KIF25: variants seen among roughly 807,000 people sequenced by gnomAD.
KIF25 encodes kinesin family member 25.
KIF25 carries 19 observed loss-of-function variants against 32.9 expected under a neutral mutation model. The observed-to-expected ratio is 0.58, with a 90% CI of 0.40 to 0.85. The LOEUF is 0.85. KIF25 is among the 40% of genes least tolerant of loss of function. The pLI is 0.00. For synonymous variants in KIF25, 225 were observed against 213.7 expected (o/e 1.05, Z -0.46); for missense variants, 485 against 507.0 (o/e 0.96, Z 0.42).
In KIF25 at chr6:168,042,666, A is replaced by G. The variant is rs1379468306; in HGVS notation, c.935A>G (p.His312Arg). The change falls in exon 12 of 13, where the codon CAT becomes CGT. Residue 312 changes from histidine to arginine, a missense_variant. Physicochemically the swap from His to Arg is conservative, Grantham distance 29. This residue lies in a region of KIF25 where 480 missense variants were observed against 470.3 expected (regional missense o/e 1.02). Transcript: ENST00000643607. ...VLGALLEHRG[H>R]APYRNSRLTH... is the part of the protein sequence containing the mutation. ...GGGGCTTTGTTGGAGCACCGTGGCCATGCCCCGTACCGGAACAGCAGGCTC... is the reference window on the plus strand; with the variant it reads ...GGGGCTTTGTTGGAGCACCGTGGCCGTGCCCCGTACCGGAACAGCAGGCTC... The G allele has an allele frequency of 4.3e-6, 7 of 1,613,528 alleles. No individual in the cohort carries two copies. Among genetic ancestry groups the G allele is most frequent in the African/African-American group, 4.0e-5 (3 of 74,932 alleles).
At chr6:168,017,230 G>A (rs1164919493) in intron 4 of KIF25, among the ~76,000 whole-genome samples, 2 of 152,180 alleles carry the variant, frequency 1.3e-5, no homozygotes, top group African/African-American at 4.8e-5. Context: ...TAAGAAGAAG[G>A]TGTGGAGGTA....
rs978349094 is a variant in KIF25, at chr6:167,999,180, C to T, written c.-510C>T. 1 of 152,294 alleles carries T rather than the reference C, an allele frequency of 6.6e-6. No individual in the cohort carries two copies. Among genetic ancestry groups the T allele is most frequent in the Non-Finnish European group, 1.5e-5 (1 of 68,084 alleles). The allele number at this position is 152,294 out of a possible 1,614,324, so 9.4% of individuals were successfully genotyped here. ...GGTGCACGTTCAGTGGGGGATGCTCCGCAGTGCAGGCTCGCGCCCGGGTTG... is the reference window on the plus strand; with the variant it reads ...GGTGCACGTTCAGTGGGGGATGCTCTGCAGTGCAGGCTCGCGCCCGGGTTG... On this transcript the variant is annotated 5_prime_UTR_variant, in exon 2 of 13. Transcript: ENST00000643607.
At chr6:168,016,361 C>T (rs1038904510) in intron 4 of KIF25, among the ~76,000 whole-genome samples, 4 of 152,234 alleles carry the variant, frequency 2.6e-5, no homozygotes, top group East Asian at 1.9e-4. Context: ...CTGTGAAAGC[C>T]GTGCCGGAGC....
rs1056313369 is a variant in KIF25 at position 167,997,758 on chromosome 6, G to T, written c.-1711G>T. Among the ~76,000 whole-genome samples the T allele has an allele frequency of 2.7e-5, 4 of 150,696 alleles. No homozygotes were observed. Among genetic ancestry groups the T allele is most frequent in the Admixed American group, 6.7e-5 (1 of 14,928 alleles). On this transcript the variant is annotated 5_prime_UTR_variant, in exon 1 of 13. Coordinates refer to ENST00000643607, the MANE Select transcript of KIF25 (RefSeq NM_030615.4). Reference sequence around the variant, plus strand: ...TCAGGGTTTGATTTTGCAACACGAGGATGCCAAGGTGGATGATTGAGTGGG... The same window carrying T: ...TCAGGGTTTGATTTTGCAACACGAGTATGCCAAGGTGGATGATTGAGTGGG...
intron 5 of KIF25, among the ~76,000 whole-genome samples, chr6:168,022,626 T>C (rs1217517121): frequency 6.6e-6 from 1 of 152,198 alleles, no homozygotes. Flanking sequence ...AATGTTCTAT[T>C]GTGTCTGGTT....
chr6:168,026,839 G>A (rs1232325474), intron 5 of KIF25, among the ~76,000 whole-genome samples: 1 of 152,234 alleles, frequency 6.6e-6, no homozygotes, highest in African/African-American at 2.4e-5. Flanking sequence ...AAGGACTGCT[G>A]GCTGTATTCT....
intron 7 of KIF25, among the ~76,000 whole-genome samples, chr6:168,032,289 C>T (rs1798952744): frequency 6.6e-6 from 1 of 152,244 alleles, no homozygotes; most frequent in African/African-American, 2.4e-5. Flanking sequence ...TTTTGGTTTA[C>T]AGCTTCCTTC....
intron 8 of KIF25, 106 bp from the exon 9 acceptor site, chr6:168,038,446 AG>A: frequency 9.1e-7 from 1 of 1,097,582 alleles, no homozygotes. Flanking sequence ...CTCGGACCCC[AG>A]CAGTCTTACT....
rs78110160 is a variant in KIF25 at position 168,013,303 on chromosome 6, G to C, written c.-162-4670G>C. On this transcript the variant is annotated intron_variant, in intron 4 of 12. Transcript: ENST00000643607. Reference sequence around the variant, plus strand: ...CTGCCAGGTTCCTCCAGCTGGTAGGGCAGTGATGGGGGTTGGTTTCCCTGC... The same window carrying C: ...CTGCCAGGTTCCTCCAGCTGGTAGGCCAGTGATGGGGGTTGGTTTCCCTGC... Among the ~76,000 whole-genome samples, 57 of 151,984 alleles carry C rather than the reference G, an allele frequency of 3.8e-4. 1 individual carries two copies. In the East Asian group the frequency reaches 0.011, roughly 29 times the overall value.
In KIF25 at chr6:168,040,069, G is replaced by A. The variant is rs1365116914; in HGVS notation, c.499G>A (p.Val167Ile). 1 of 1,612,428 alleles carries A rather than the reference G, an allele frequency of 6.2e-7. No homozygotes were observed. The highest frequency in any genetic ancestry group is 8.5e-7 in the Non-Finnish European group (1 of 1,179,236). ...TEVALLASEA[V>I]GSASKLMELV... Reference sequence around the variant, plus strand: ...CACTGCTTGCCTTGTCTGTAGGGCTGTCGGCAGCGCCTCGAAACTGATGGA... The same window carrying A: ...CACTGCTTGCCTTGTCTGTAGGGCTATCGGCAGCGCCTCGAAACTGATGGA... Residue 167 changes from valine (V) to isoleucine (I), a missense_variant, in exon 10 of 13, where the codon GTC (valine) becomes ATC (isoleucine). This residue lies in a region of KIF25 where 480 missense variants were observed against 470.3 expected (regional missense o/e 1.02). Coordinates refer to ENST00000643607, the MANE Select transcript of KIF25 (RefSeq NM_030615.4).
intron 5 of KIF25, among the ~76,000 whole-genome samples, chr6:168,020,000 T>A (rs554556781): frequency 2.5e-4 from 38 of 152,236 alleles, no homozygotes; most frequent in Middle Eastern, 3.4e-3. Flanking sequence ...GGTATGGTGG[T>A]GCACACCTGT....
intron 10 of KIF25, 144 bp downstream of exon 10, chr6:168,040,360 G>T: frequency 1.3e-6 from 1 of 764,494 alleles, no homozygotes; most frequent in South Asian, 2.0e-5. Context: ...GAGGTCAAGA[G>T]TTTGAGACCA....
chr6:168,043,143 G>C (rs1052004205), intron 12 of KIF25, among the ~76,000 whole-genome samples: 8 of 152,212 alleles, frequency 5.3e-5, no homozygotes, highest in African/African-American at 1.9e-4. Flanking sequence ...TTAAGCACCA[G>C]TGCCAGGTGG....
chr6:168,030,770 C>T lies in KIF25; in HGVS notation c.93-3C>T. 1 of 1,608,090 alleles carries T rather than the reference C, an allele frequency of 6.2e-7. No homozygotes were observed. The highest frequency in any genetic ancestry group is 1.3e-5 in the African/African-American group (1 of 74,476). On this transcript the variant is annotated splice_polypyrimidine_tract_variant and splice_region_variant and intron_variant, in intron 6 of 12. Transcript: ENST00000643607. ...AATACAGCATTTTCACTTTGTCTCT[C>T]AGGGTTTATGGTCCAGCAGAGTCTC...
intron 5 of KIF25, among the ~76,000 whole-genome samples, chr6:168,021,614 A>C (rs1798788962): frequency 6.6e-6 from 1 of 152,246 alleles, no homozygotes; most frequent in African/African-American, 2.4e-5. Context: ...TGCAACCATC[A>C]CCACTATCCA....
intron 7 of KIF25, among the ~76,000 whole-genome samples, chr6:168,032,010 T>C (rs73260877): frequency 0.056 from 8,516 of 152,304 alleles, 495 homozygotes; most frequent in African/African-American, 0.14. Context: ...ACATTGGCTC[T>C]GGAATGTCTG....
chr6:168,001,377 C>A (rs73040810), intron 2 of KIF25, among the ~76,000 whole-genome samples: 1 of 152,210 alleles, frequency 6.6e-6, no homozygotes, highest in South Asian at 2.1e-4. Context: ...TGGCCCCCAG[C>A]GGTGATCAGC....
At chr6:168,022,652 G>A (rs1416557844) in intron 5 of KIF25, among the ~76,000 whole-genome samples, 3 of 151,712 alleles carry the variant, frequency 2.0e-5, no homozygotes, top group Non-Finnish European at 2.9e-5. Context: ...GGCGGCTGCT[G>A]TATTACTTGT....
intron 5 of KIF25, among the ~76,000 whole-genome samples, chr6:168,022,216 T>C (rs1362455611): frequency 6.6e-6 from 1 of 152,236 alleles, no homozygotes; most frequent in Non-Finnish European, 1.5e-5. Context: ...GCCTTCCTTG[T>C]ATCTCTCTGC....
Sources: allele counts gnomAD v4.1 joint callset (sites outside exome capture counted in the v4.1 genomes callset), GRCh38; gene constraint gnomAD v4.1.1; regional missense constraint gnomAD v4.1.1; transcripts MANE v1.5; gene names NCBI Gene and HGNC (gene_info 2026-07-23, HGNC 2026-07-21).